The following SIK3 variants were observed in gnomAD, a reference collection of about 807,000 sequenced individuals.
SIK3 encodes the protein SIK family kinase 3.
SIK3 carries 28 observed loss-of-function variants against 144.2 expected under a neutral mutation model. That is an observed-to-expected ratio of 0.19 (90% CI 0.14 to 0.27). The LOEUF is 0.27. Ranked by LOEUF, SIK3 falls within the 10% of genes least tolerant of loss-of-function variation. The pLI is 1.00. For synonymous variants in SIK3, 686 were observed against 676.3 expected (o/e 1.01, Z -0.22); for missense variants, 1,319 against 1,776.0 (o/e 0.74, Z 4.62).
chr11:116,971,202 C>T (rs989893575), intron 1 of SIK3, among the ~76,000 whole-genome samples: 5 of 152,118 alleles, frequency 3.3e-5, no homozygotes, highest in Non-Finnish European at 7.4e-5. Context: ...CATTAATTTC[C>T]ATCCCACTTA....
chr11:116,989,756 T>C (rs961263132), intron 1 of SIK3, among the ~76,000 whole-genome samples: 1 of 152,150 alleles, frequency 6.6e-6, no homozygotes, highest in African/African-American at 2.4e-5. Context: ...ATTAAAAATA[T>C]CAGGCAGATT....
chr11:116,884,018 T>C (rs1361319312), intron 6 of SIK3, among the ~76,000 whole-genome samples: 1 of 152,190 alleles, frequency 6.6e-6, no homozygotes, highest in Non-Finnish European at 1.5e-5. Context: ...TGTATAAATG[T>C]TAACTATAAT....
chr11:117,084,882 T>C (rs970781846), intron 1 of SIK3, among the ~76,000 whole-genome samples: 3 of 152,096 alleles, frequency 2.0e-5, no homozygotes, highest in African/African-American at 7.2e-5. Flanking sequence ...CTGGAAATTA[T>C]AGATAATGAA....
rs574173147 is a variant in SIK3 at position 117,090,240 on chromosome 11, G to C, written c.273+7903C>G. Among the ~76,000 whole-genome samples, 247 of 152,250 alleles carry C rather than the reference G, an allele frequency of 1.6e-3. 7 individuals are homozygous for C. Among genetic ancestry groups the C allele is most frequent in the Admixed American group, 0.016 (246 of 15,290 alleles). The stretch of plus-strand genomic sequence containing the variant: ...TATGACTACATTATTATCCCAGAAA[G>C]GGACCAAGCTACTCGCTATTAGGAG... On this transcript the variant is annotated intron_variant, in intron 1 of 24. Transcript: ENST00000445177.
At position 116,862,099 on chromosome 11, in the gene SIK3, T is replaced by G. The variant is rs1943367725; in HGVS notation, c.2229+103A>C. 30 of 1,541,062 alleles carry G rather than the reference T, an allele frequency of 1.9e-5. No individual in the cohort carries two copies. In the South Asian group the frequency reaches 3.3e-4, roughly 17 times the overall value. On this transcript the variant is annotated intron_variant, in intron 17 of 24. Coordinates refer to ENST00000445177, the MANE Select transcript of SIK3 (RefSeq NM_001366686.3). ...CAAACATGTCAACCATAAACAGACCTCAAATCCACTTTGCACTGAGTGGTC... is the reference window on the plus strand; with the variant it reads ...CAAACATGTCAACCATAAACAGACCGCAAATCCACTTTGCACTGAGTGGTC...
At chr11:116,968,163 G>T (rs555723295) in intron 1 of SIK3, among the ~76,000 whole-genome samples, 34 of 152,054 alleles carry the variant, frequency 2.2e-4, no homozygotes, top group Non-Finnish European at 3.7e-4. Context: ...TGTTTTTTGA[G>T]ATGGAATCTC....
At chr11:117,011,722 A>T (rs1951267793) in intron 1 of SIK3, among the ~76,000 whole-genome samples, 1 of 152,038 alleles carries the variant, frequency 6.6e-6, no homozygotes, top group Non-Finnish European at 1.5e-5. Flanking sequence ...TCACGCCTAT[A>T]CTCCCTTGGG....
chr11:116,861,216 C>T (rs1247675033), intron 19 of SIK3, 58 bp downstream of exon 19: 1 of 1,298,062 alleles, frequency 7.7e-7, no homozygotes, highest in Non-Finnish European at 1.1e-6. Flanking sequence ...AAACTGAGAC[C>T]ATCATTTTTT....
intron 9 of SIK3, 48 bp downstream of exon 9, chr11:116,875,818 C>T: frequency 1.3e-6 from 2 of 1,556,534 alleles, no homozygotes; most frequent in South Asian, 2.4e-5. Flanking sequence ...AACCTTTACC[C>T]CCCTGGTGTT....
intron 4 of SIK3, among the ~76,000 whole-genome samples, chr11:116,908,705 A>G (rs748065312): frequency 2.0e-5 from 3 of 152,206 alleles, no homozygotes; most frequent in Admixed American, 6.5e-5. Context: ...AGTAAAAATT[A>G]AAACCACAAC....
chr11:117,089,791 A>G (rs1292507020), intron 1 of SIK3, among the ~76,000 whole-genome samples: 2 of 152,262 alleles, frequency 1.3e-5, no homozygotes, highest in East Asian at 3.8e-4. Flanking sequence ...GAGTGAGCTC[A>G]GCCCACACAG....
rs1944246004 is a variant in SIK3 at position 116,876,239 on chromosome 11, T to G, written c.1095+14A>C. On this transcript the variant is annotated intron_variant, in intron 8 of 24. Coordinates refer to ENST00000445177, the MANE Select transcript of SIK3 (RefSeq NM_001366686.3). ...TGCTACATCCCACTTTGTTCTCCAC[T>G]CCTTCGGAGATACCTGCAGTGTCTG... 3 of 1,608,506 alleles carry G rather than the reference T, an allele frequency of 1.9e-6. No homozygotes were observed. The highest frequency in any genetic ancestry group is 1.3e-5 in the African/African-American group (1 of 74,694).
intron 21 of SIK3, among the ~76,000 whole-genome samples, chr11:116,855,972 C>T (rs1464170577): frequency 2.6e-5 from 4 of 152,038 alleles, no homozygotes; most frequent in African/African-American, 4.8e-5. Flanking sequence ...CCAAGGCGTG[C>T]GGATCACGAG....
intron 1 of SIK3, among the ~76,000 whole-genome samples, chr11:117,001,214 A>T (rs1950836787): frequency 6.6e-6 from 1 of 152,244 alleles, no homozygotes; most frequent in African/African-American, 2.4e-5. Flanking sequence ...ATGTATAAAA[A>T]GTAATCTGAG....
intron 1 of SIK3, among the ~76,000 whole-genome samples, chr11:117,064,560 C>T (rs1647285770): frequency 1.3e-5 from 2 of 152,144 alleles, no homozygotes; most frequent in South Asian, 2.1e-4. Flanking sequence ...TCAGAATTAA[C>T]AATACAATTT....
At chr11:116,999,520 AT>A (rs1950780234) in intron 1 of SIK3, among the ~76,000 whole-genome samples, 1 of 152,180 alleles carries the variant, frequency 6.6e-6, no homozygotes, top group African/African-American at 2.4e-5. Context: ...AGTGCAACAT[AT>A]TCATATGTCT....
Position 117,098,394 on chromosome 11 carries a change from C to T in SIK3, c.22G>A (p.Gly8Arg), listed in dbSNP as rs1233277079. 9 of 1,166,632 alleles carry T rather than the reference C, an allele frequency of 7.7e-6. No individual in the cohort carries two copies. In the African/African-American group the frequency reaches 9.8e-5, roughly 13 times the overall value. 72.3% of individuals were successfully genotyped at this position (1,166,632 alleles called of 1,614,324 possible). Residue 8 changes from glycine to arginine, a missense_variant, in exon 1 of 25, where the codon GGA becomes AGA. This residue lies in a region of SIK3 where 114 missense variants were observed against 116.2 expected (regional missense o/e 0.98). Coordinates refer to ENST00000445177, the MANE Select transcript of SIK3 (RefSeq NM_001366686.3). MAAAAAS[G>R]AGGAAGAGTG... ...CCGGCCCCGGCAGCCCCGCCAGCTC[C>T]GCTCGCCGCCGCCGCCGCCATCTTG...
At chr11:117,092,738 T>C (rs923647597) in intron 1 of SIK3, among the ~76,000 whole-genome samples, 2 of 152,202 alleles carry the variant, frequency 1.3e-5, no homozygotes, top group Non-Finnish European at 2.9e-5. Context: ...ACAGTTACAG[T>C]GGCTCTGGTG....
intron 6 of SIK3, among the ~76,000 whole-genome samples, chr11:116,886,682 C>T (rs11216175): frequency 0.071 from 10,793 of 152,128 alleles, 445 homozygotes; most frequent in Middle Eastern, 0.12. Context: ...GTTAAATAAA[C>T]GATCTTAGTA....
Sources: allele counts gnomAD v4.1 joint callset (sites outside exome capture counted in the v4.1 genomes callset), GRCh38; gene constraint gnomAD v4.1.1; regional missense constraint gnomAD v4.1.1; transcripts MANE v1.5; gene names NCBI Gene and HGNC (gene_info 2026-07-23, HGNC 2026-07-21).